Variants in FER observed in about 807,000 individuals in gnomAD.
FER encodes tyrosine-protein kinase Fer.
FER carries 63 observed loss-of-function variants against 111.0 expected under a neutral mutation model. That is an observed-to-expected ratio of 0.57 (90% confidence interval 0.46 to 0.70). FER has a LOEUF of 0.70. FER is among the 30% of genes least tolerant of loss of function. The pLI is 0.00. For synonymous variants in FER, 327 were observed against 313.9 expected (o/e 1.04, Z -0.44); for missense variants, 914 against 954.0 (o/e 0.96, Z 0.55).
At chr5:108,915,942 ACT>A in intron 10 of FER, among the ~76,000 whole-genome samples, 1 of 151,810 alleles carries the variant, frequency 6.6e-6, no homozygotes, top group South Asian at 2.1e-4. Flanking sequence ...CTTTTCCCAT[ACT>A]CCCCTGCTTG....
intron 3 of FER, among the ~76,000 whole-genome samples, chr5:108,806,636 A>G (rs901015408): frequency 1.3e-5 from 2 of 152,198 alleles, no homozygotes; most frequent in Non-Finnish European, 2.9e-5. Context: ...ATGGAGTCAA[A>G]GGAGATCATT....
intron 17 of FER, among the ~76,000 whole-genome samples, chr5:109,159,614 C>T (rs951463925): frequency 9.2e-5 from 14 of 152,132 alleles, no homozygotes; most frequent in African/African-American, 2.2e-4. Flanking sequence ...GTGTATAGTA[C>T]GGTCAGTACT....
intron 2 of FER, among the ~76,000 whole-genome samples, chr5:108,778,187 T>C (rs142602087): frequency 6.6e-6 from 1 of 152,314 alleles, no homozygotes; most frequent in Admixed American, 6.5e-5. Context: ...CCACAGTTCA[T>C]CTATTCACCT....
chr5:109,165,006 C>T (rs1050537838), intron 17 of FER, among the ~76,000 whole-genome samples: 2 of 152,014 alleles, frequency 1.3e-5, no homozygotes, highest in Admixed American at 6.6e-5. Flanking sequence ...AGGAATAGAT[C>T]CTTGAGTAAT....
At chr5:108,994,702 G>T (rs747571116) in intron 13 of FER, among the ~76,000 whole-genome samples, 7 of 152,186 alleles carry the variant, frequency 4.6e-5, no homozygotes, top group Non-Finnish European at 1.0e-4. Context: ...GCTTTGGGCA[G>T]TATGGCCTTT....
At chr5:108,956,994 T>A (rs549274300) in intron 12 of FER, among the ~76,000 whole-genome samples, 1 of 151,734 alleles carries the variant, frequency 6.6e-6, no homozygotes, top group East Asian at 1.9e-4. Context: ...GGTTATAAAG[T>A]AATACAAGAT....
chr5:109,136,391 A>G (rs1169596380), intron 17 of FER, among the ~76,000 whole-genome samples: 1 of 152,236 alleles, frequency 6.6e-6, no homozygotes, highest in African/African-American at 2.4e-5. Flanking sequence ...GAATACATAT[A>G]TAAAAAATCG....
chr5:108,879,514 A>T (rs1419793450), intron 8 of FER, among the ~76,000 whole-genome samples: 1 of 151,730 alleles, frequency 6.6e-6, no homozygotes, highest in Admixed American at 6.6e-5. Context: ...ATGATGGTGA[A>T]TATTGTACTT....
intron 10 of FER, among the ~76,000 whole-genome samples, chr5:108,939,531 G>T (rs1755967230): frequency 6.6e-6 from 1 of 151,982 alleles, no homozygotes; most frequent in Non-Finnish European, 1.5e-5. Context: ...CTGTTGTATG[G>T]ACTTCATTCT....
chr5:109,072,632 C>G (rs1319574131), intron 16 of FER, among the ~76,000 whole-genome samples: 1 of 151,920 alleles, frequency 6.6e-6, no homozygotes, highest in African/African-American at 2.4e-5. Context: ...CTTTCCACAT[C>G]CAGCTATCGG....
intron 17 of FER, among the ~76,000 whole-genome samples, chr5:109,123,722 A>G (rs562983844): frequency 1.1e-4 from 16 of 152,274 alleles, no homozygotes; most frequent in African/African-American, 3.8e-4. Context: ...TATTATTTCT[A>G]TCTTCTTATA....
chr5:109,187,546 C>G lies in FER; in HGVS notation c.2440C>G (p.Leu814Val). 6.2e-7 allele frequency: 1 copy of G among 1,614,094 alleles called. No homozygotes were observed. The highest frequency in any genetic ancestry group is 8.5e-7 in the Non-Finnish European group (1 of 1,179,990). ...TAAGTTCAGTGAACTTCAGAAAGAG[C>G]TCACTATCATCAAGAGAAAACTCAC... ...RPKFSELQKELTIIKRKLT is the reference protein window; with the variant it reads ...RPKFSELQKEVTIIKRKLT The change falls in exon 20 of 20, where the codon CTC (leucine) becomes GTC (valine). Residue 814 changes from leucine (L) to valine (V), a missense_variant. By Grantham distance (32) the Leu-to-Val change is conservative (BLOSUM62 1). Coordinates refer to ENST00000281092, the MANE Select transcript of FER (RefSeq NM_005246.4).
At chr5:108,950,661 G>A (rs972957635) in intron 11 of FER, among the ~76,000 whole-genome samples, 4 of 151,678 alleles carry the variant, frequency 2.6e-5, no homozygotes, top group Admixed American at 6.6e-5. Flanking sequence ...AGATTCAAAC[G>A]GTAACTATTT....
chr5:108,881,511 G>C (rs907297575), intron 8 of FER, among the ~76,000 whole-genome samples: 9 of 152,146 alleles, frequency 5.9e-5, no homozygotes, highest in Non-Finnish European at 1.2e-4. Flanking sequence ...AATTCGAGAT[G>C]AGATTTGGGT....
intron 16 of FER, among the ~76,000 whole-genome samples, chr5:109,058,516 AT>A (rs149263271): frequency 0.17 from 25,235 of 151,300 alleles, 2,167 homozygotes; most frequent in South Asian, 0.21. Flanking sequence ...AAATTAATTG[AT>A]TTTTTTTTAA....
chr5:109,178,941 AT>A (rs983535886), intron 17 of FER, among the ~76,000 whole-genome samples: 4 of 151,882 alleles, frequency 2.6e-5, no homozygotes, highest in Non-Finnish European at 5.9e-5. Context: ...TATTCACATG[AT>A]TTTTTTCAGT....
intron 9 of FER, among the ~76,000 whole-genome samples, chr5:108,893,682 G>T (rs903084211): frequency 6.6e-6 from 1 of 152,030 alleles, no homozygotes; most frequent in African/African-American, 2.4e-5. Context: ...ATATTTGTGT[G>T]AGCGGCTGAA....
intron 10 of FER, among the ~76,000 whole-genome samples, chr5:108,914,730 G>T (rs1162397136): frequency 4.6e-5 from 7 of 152,146 alleles, no homozygotes; most frequent in Non-Finnish European, 1.0e-4. Flanking sequence ...GCTAGTGAGG[G>T]GCATAGTGCT....
At chr5:109,003,427 G>A (rs1206595121) in intron 13 of FER, among the ~76,000 whole-genome samples, 1 of 152,092 alleles carries the variant, frequency 6.6e-6, no homozygotes, top group Non-Finnish European at 1.5e-5. Flanking sequence ...GAGAACACAT[G>A]GACACAGGAA....
Sources: gnomAD v4.1 joint callset for allele counts (sites outside exome capture counted in the v4.1 genomes callset) on GRCh38, gnomAD v4.1.1 for gene constraint, MANE v1.5 for transcripts, NCBI Gene and HGNC (gene_info 2026-07-23, HGNC 2026-07-21) for gene names.